The following THNSL1 variants were observed in gnomAD, a reference collection of about 807,000 sequenced individuals.
THNSL1 encodes threonine synthase like 1, also known as threonine synthase-like 1.
In THNSL1, 48 loss-of-function variants were observed where a neutral mutation model predicts 50.4. The ratio of observed to expected loss-of-function variants is 0.95; its 90% confidence interval spans 0.76 to 1.21. THNSL1 has a LOEUF of 1.21. Ranked by LOEUF, THNSL1 falls within the 50% of genes most tolerant of loss-of-function variation. The pLI, the probability that THNSL1 is intolerant of heterozygous loss-of-function variation, is 0.00. For missense variants in THNSL1, 896 were observed against 871.7 expected (o/e 1.03, Z -0.35); for synonymous variants, 309 against 306.1 (o/e 1.01, Z -0.10).
chr10:24,964,132 A>G, the THNSL1 span, among the ~76,000 whole-genome samples: 1 of 152,194 alleles, frequency 6.6e-6, no homozygotes, highest in Non-Finnish European at 1.5e-5. Context: ...AGCACCCCCA[A>G]TTGTAACCAT....
At chr10:25,006,033 C>T in the THNSL1 span, among the ~76,000 whole-genome samples, 2 of 152,132 alleles carry the variant, frequency 1.3e-5, no homozygotes, top group Non-Finnish European at 2.9e-5. Context: ...GTAAATTTTT[C>T]GTTATTTCTA....
intron 1 of THNSL1, among the ~76,000 whole-genome samples, chr10:25,016,944 A>C (rs1052835278): frequency 6.6e-6 from 1 of 152,130 alleles, no homozygotes; most frequent in Admixed American, 6.5e-5. Flanking sequence ...GCTCCTCGGA[A>C]CGCCGCGCAG....
the THNSL1 span, chr10:24,984,867 G>A: frequency 6.2e-7 from 1 of 1,613,454 alleles, no homozygotes; most frequent in African/African-American, 1.3e-5. Context: ...AGAGGGACTG[G>A]AATTCTTTAT....
At position 25,024,104 on chromosome 10, in the gene THNSL1, T is replaced by C; in HGVS notation, c.881T>C (p.Ile294Thr). The change falls in exon 3 of 3, where the codon ATA (isoleucine) becomes ACA (threonine). Residue 294 changes from isoleucine to threonine, a missense_variant. By Grantham distance (89) the Ile-to-Thr change is moderately conservative (BLOSUM62 -1). Coordinates refer to ENST00000376356, the MANE Select transcript of THNSL1 (RefSeq NM_024838.5). ...GCAACCTACGTAGAAAGAGCACAGA[T>C]ACTGTTGGAAAGATGTATCCATCCT... ...VGATYVERAQ[I>T]LLERCIHPAD... 1 of 1,614,206 alleles carries C rather than the reference T, an allele frequency of 6.2e-7. No individual in the cohort carries two copies. The highest frequency in any genetic ancestry group is 8.5e-7 in the Non-Finnish European group (1 of 1,180,034).
the THNSL1 span, among the ~76,000 whole-genome samples, chr10:24,990,959 G>C: frequency 6.6e-6 from 1 of 152,164 alleles, no homozygotes; most frequent in African/African-American, 2.4e-5. Context: ...AATTAGCCAG[G>C]CATCGTGGCA....
the THNSL1 span, among the ~76,000 whole-genome samples, chr10:24,969,984 C>T: frequency 6.6e-6 from 1 of 152,226 alleles, no homozygotes; most frequent in Admixed American, 6.5e-5. Flanking sequence ...CACTTGAGGA[C>T]AGTGTTGTTG....
At chr10:25,002,903 A>G in the THNSL1 span, among the ~76,000 whole-genome samples, 1 of 151,684 alleles carries the variant, frequency 6.6e-6, no homozygotes, top group East Asian at 1.9e-4. Flanking sequence ...CGTGATTAAT[A>G]AGATAATTTC....
chr10:24,995,639 A>G, the THNSL1 span: 2 of 1,605,880 alleles, frequency 1.2e-6, no homozygotes, highest in Non-Finnish European at 1.7e-6. Context: ...ATATACCACA[A>G]GGCTACCTTT....
At chr10:24,961,904 T>C in the THNSL1 span, among the ~76,000 whole-genome samples, 1 of 152,232 alleles carries the variant, frequency 6.6e-6, no homozygotes, top group East Asian at 1.9e-4. Context: ...TTCTTTGCTT[T>C]ATTTTTCGTA....
chr10:24,984,431 G>A, the THNSL1 span: 4 of 1,547,910 alleles, frequency 2.6e-6, no homozygotes, highest in Non-Finnish European at 1.7e-6. Flanking sequence ...TATTTTTCAG[G>A]ACCTAGAAAT....
chr10:24,988,394 TTA>T, the THNSL1 span, among the ~76,000 whole-genome samples: 2 of 145,742 alleles, frequency 1.4e-5, no homozygotes, highest in Non-Finnish European at 3.0e-5. Context: ...GTGTATATAT[TTA>T]TATATGTGTA....
chr10:25,023,147 G>C, intron 2 of THNSL1, 29 bp from the exon 3 acceptor site: 1 of 1,423,146 alleles, frequency 7.0e-7, no homozygotes, highest in Non-Finnish European at 9.5e-7. Flanking sequence ...ATCTTTTGTT[G>C]TTTTTTGTTT....
chr10:24,988,718 A>ATATG, the THNSL1 span, among the ~76,000 whole-genome samples: 32 of 47,706 alleles, frequency 6.7e-4, no homozygotes, highest in African/African-American at 3.1e-3. Context: ...ATATATATAT[A>ATATG]TATATATATT....
Position 25,025,520 on chromosome 10 carries a change from T to G in THNSL1, c.*65T>G, listed in dbSNP as rs115247015. ...GCAATAATAAATCTCAAACACTGAT[T>G]TGGAGTACAGTAGCATTTTGTCTTT... On this transcript the variant is annotated 3_prime_UTR_variant, in exon 3 of 3. Coordinates refer to ENST00000376356, the MANE Select transcript of THNSL1 (RefSeq NM_024838.5). The G allele has an allele frequency of 6.2e-4, 895 of 1,449,948 alleles. 7 individuals carry two copies. The African/African-American group carries it at 0.012, about 19-fold the overall frequency. 89.8% of individuals were successfully genotyped at this position (1,449,948 alleles called of 1,614,324 possible).
At chr10:25,007,315 T>C in the THNSL1 span, among the ~76,000 whole-genome samples, 1 of 152,042 alleles carries the variant, frequency 6.6e-6, no homozygotes, top group Non-Finnish European at 1.5e-5. Flanking sequence ...TTTTAAGGAG[T>C]ATTGTTGTCA....
At position 25,026,101 on chromosome 10, in the gene THNSL1, A is replaced by T. The variant is rs1850846546; in HGVS notation, c.*646A>T. ...GCCATGTTTTCCAGGCTGATCTTGA[A>T]CCTCTGACCTCAGGTGATCCATCCA... On this transcript the variant is annotated 3_prime_UTR_variant, in exon 3 of 3. Coordinates refer to ENST00000376356, the MANE Select transcript of THNSL1 (RefSeq NM_024838.5). 1 of 155,780 alleles carries T rather than the reference A, an allele frequency of 6.4e-6. No individual in the cohort carries two copies. Among genetic ancestry groups the T allele is most frequent in the South Asian group, 2.1e-4 (1 of 4,796 alleles). The allele number at this position is 155,780 out of a possible 1,614,324, so 9.6% of individuals were successfully genotyped here. A position where few individuals can be genotyped will look rare whatever the true frequency, so the allele number is the denominator to read the frequency against.
the THNSL1 span, among the ~76,000 whole-genome samples, chr10:24,968,046 G>C: frequency 6.7e-6 from 1 of 149,584 alleles, no homozygotes; most frequent in Non-Finnish European, 1.5e-5. Flanking sequence ...CAGGCTGCTG[G>C]TAGTCCTGGC....
At chr10:24,984,314 G>T in the THNSL1 span, 5,038 of 1,566,814 alleles carry the variant, frequency 3.2e-3, 151 homozygotes, top group African/African-American at 0.062. Flanking sequence ...AAGAAGGCAC[G>T]TGTTACTATT....
chr10:24,984,516 A>G, the THNSL1 span: 2 of 1,205,734 alleles, frequency 1.7e-6, no homozygotes, highest in Non-Finnish European at 2.3e-6. Flanking sequence ...CTCAAATTTA[A>G]TAGTTTATAT....
Sources: gnomAD v4.1 joint callset for allele counts (sites outside exome capture counted in the v4.1 genomes callset) on GRCh38, gnomAD v4.1.1 for gene constraint, MANE v1.5 for transcripts, NCBI Gene and HGNC (gene_info 2026-07-23, HGNC 2026-07-21) for gene names.